POLR2F: variants seen among roughly 807,000 people sequenced by gnomAD.
The protein encoded by POLR2F is RNA polymerase II, I and III subunit F, also known as DNA-directed RNA polymerases I, II, and III subunit RPABC2.
A neutral mutation model predicts 22.7 loss-of-function variants in POLR2F; 12 were observed. That is an observed-to-expected ratio of 0.53 (90% CI 0.34 to 0.86). The LOEUF is 0.86. Among genes scored for constraint, POLR2F ranks in the 40% least tolerant of loss-of-function variants. The probability of loss-of-function intolerance (pLI) is 0.02; values close to 1 mark genes in which losing one functional copy is unlikely to be tolerated. For synonymous variants in POLR2F, 57 were observed against 66.0 expected (o/e 0.86, Z 0.66); for missense variants, 126 against 171.5 (o/e 0.73, Z 1.48).
intron 5 of POLR2F, chr22:38,040,541 C>T (rs2085162544): frequency 6.4e-6 from 1 of 157,364 alleles, no homozygotes; most frequent in African/African-American, 2.4e-5. Flanking sequence ...TGTAGGATTT[C>T]AAGGGAGTCA....
chr22:37,985,964 G>T, upstream of POLR2F: 1 of 928,546 alleles, frequency 1.1e-6, no homozygotes, highest in Admixed American at 3.2e-5. Flanking sequence ...TGCTGGCCTT[G>T]GACAATCTCC....
At chr22:37,992,424 T>C (rs917686943) in intron 1 of POLR2F, among the ~76,000 whole-genome samples, 19 of 152,042 alleles carry the variant, frequency 1.2e-4, no homozygotes, top group African/African-American at 4.1e-4. Context: ...TCTCACTCTT[T>C]CACTCTGTTG....
intron 1 of POLR2F, among the ~76,000 whole-genome samples, chr22:38,012,165 T>C (rs2084876718): frequency 6.7e-6 from 1 of 150,334 alleles, no homozygotes; most frequent in Admixed American, 6.7e-5. Context: ...CACTGCAACC[T>C]CCACCTCCTG....
At chr22:38,034,096 C>T (rs2085092179) in intron 5 of POLR2F, 4 of 168,402 alleles carry the variant, frequency 2.4e-5, no homozygotes, top group African/African-American at 2.4e-5. Context: ...CTCCCGACTC[C>T]CCTTGTCAGC....
rs562730502 is a variant in POLR2F, at chr22:37,996,983, T to A, written c.120+10671T>A. 5.3e-5 allele frequency among the ~76,000 whole-genome samples: 8 copies of A among 152,106 alleles called. 1 individual carries two copies. In the South Asian group the frequency reaches 1.7e-3, roughly 32 times the overall value. On this transcript the variant is annotated intron_variant, in intron 1 of 2. Coordinates refer to the POLR2F transcript ENST00000333418. ...CCACCCCTAGGGCAGGCCACCCCAC[T>A]CCTGTGTCCTACTCGGGAAGGCAAG...
At chr22:38,019,029 G>A (rs1375085697) in intron 1 of POLR2F, among the ~76,000 whole-genome samples, 1 of 152,136 alleles carries the variant, frequency 6.6e-6, no homozygotes, top group African/African-American at 2.4e-5. Context: ...GTGGAGAAGA[G>A]TGAGCCGTGG....
intron 1 of POLR2F, among the ~76,000 whole-genome samples, chr22:38,009,162 G>A (rs374866145): frequency 1.3e-4 from 20 of 152,348 alleles, no homozygotes; most frequent in African/African-American, 4.1e-4. Context: ...CAGAATGAGC[G>A]AGGGGGACAG....
At chr22:38,036,387 G>C in intron 5 of POLR2F, among the ~76,000 whole-genome samples, 1 of 151,754 alleles carries the variant, frequency 6.6e-6, no homozygotes, top group Non-Finnish European at 1.5e-5. Context: ...CCGAAGGAGA[G>C]GCTTCCTTCT....
chr22:37,961,876 G>A (rs1931656741), intron 3 of POLR2F, among the ~76,000 whole-genome samples: 1 of 152,092 alleles, frequency 6.6e-6, no homozygotes, highest in African/African-American at 2.4e-5. Context: ...ACTGATGTGG[G>A]AAATGGTGGG....
At chr22:37,988,681 AC>A (rs1471373572) in intron 1 of POLR2F, 1 of 154,350 alleles carries the variant, frequency 6.5e-6, no homozygotes, top group Non-Finnish European at 1.5e-5. Flanking sequence ...CAACAAAAAA[AC>A]ATACTGGAGC....
intron 1 of POLR2F, among the ~76,000 whole-genome samples, chr22:37,998,973 T>G (rs2084744097): frequency 1.3e-5 from 2 of 151,738 alleles, no homozygotes; most frequent in South Asian, 2.1e-4. Context: ...GGGTCCTGCT[T>G]TTCACCACAG....
At chr22:37,983,760 C>T, upstream of POLR2F, 1 of 1,487,692 alleles carries the variant, frequency 6.7e-7, no homozygotes. The surrounding 1 kb of genome is among the most constrained non-coding windows in gnomAD (Gnocchi z 9.5). Context: ...AGCTCCACCT[C>T]CGATAGGTCC....
chr22:37,972,063 GGA>G (rs138070905), downstream of POLR2F, among the ~76,000 whole-genome samples: 1 of 141,098 alleles, frequency 7.1e-6, no homozygotes, highest in Non-Finnish European at 1.5e-5. Flanking sequence ...GTGGGAGGGG[GGA>G]GAGAGAGAGA....
intron 5 of POLR2F, among the ~76,000 whole-genome samples, chr22:38,033,400 C>T (rs372349622): frequency 6.6e-6 from 1 of 152,172 alleles, no homozygotes; most frequent in South Asian, 2.1e-4. Context: ...TTTCCCTGGC[C>T]CCAGATCCCA....
At chr22:38,041,105 C>G (rs760414865) in exon 6 of POLR2F, 1 of 1,612,888 alleles carries the variant, frequency 6.2e-7, no homozygotes, top group Non-Finnish European at 8.5e-7. Flanking sequence ...CGCCTGAAGC[C>G]CCGTGAACAA....
chr22:37,967,993 T>G lies in POLR2F; in HGVS notation c.*278T>G. On this transcript the variant is annotated 3_prime_UTR_variant, in exon 5 of 5. Transcript: ENST00000442738. ...CCCTGTTCCCCAGAGCAAAGGCTGC[T>G]GCAGGGGAGACACCTCAGCTGCCTT... is the stretch of plus-strand genomic sequence containing the variant. The G allele has an allele frequency of 9.2e-7, 1 of 1,091,822 alleles. No individual in the cohort carries two copies. The highest frequency in any genetic ancestry group is 1.1e-6 in the Non-Finnish European group (1 of 896,584). 67.6% of individuals were successfully genotyped at this position (1,091,822 alleles called of 1,614,324 possible).
chr22:38,006,519 A>G (rs887642889), intron 1 of POLR2F, among the ~76,000 whole-genome samples: 7 of 152,294 alleles, frequency 4.6e-5, no homozygotes, highest in Admixed American at 2.6e-4. Flanking sequence ...GACAGAGGAG[A>G]CGAGGCAGGT....
intron 5 of POLR2F, among the ~76,000 whole-genome samples, chr22:38,034,452 G>T (rs1342407653): frequency 2.0e-5 from 3 of 152,228 alleles, no homozygotes; most frequent in Admixed American, 6.5e-5. Context: ...CCTCCAAGAA[G>T]CGGGGGAGGG....
At chr22:37,959,951 G>C (rs1931562027) in intron 3 of POLR2F, among the ~76,000 whole-genome samples, 1 of 140,786 alleles carries the variant, frequency 7.1e-6, no homozygotes, top group African/African-American at 2.7e-5. Context: ...TTACAGGCAT[G>C]TGCCACCATG....
Sources: gnomAD v4.1 joint callset for allele counts (sites outside exome capture counted in the v4.1 genomes callset) on GRCh38, gnomAD v4.1.1 for gene constraint, Gnocchi (gnomAD v3.1) non-coding constraint, MANE v1.5 for transcripts, NCBI Gene and HGNC (gene_info 2026-07-23, HGNC 2026-07-21) for gene names.